KCND2: variants seen among roughly 807,000 people sequenced by gnomAD.
The protein encoded by KCND2 is A-type voltage-gated potassium channel KCND2.
Under a neutral mutation model 54.4 loss-of-function variants are expected in KCND2, and 16 were observed. That is an observed-to-expected ratio of 0.29 (90% confidence interval 0.20 to 0.45). The LOEUF (loss-of-function observed/expected upper bound fraction) is 0.45. KCND2 is among the 20% of genes least tolerant of loss of function. The probability of loss-of-function intolerance (pLI) is 1.00; values close to 1 mark genes in which losing one functional copy is unlikely to be tolerated. For synonymous variants in KCND2, 317 were observed against 310.7 expected, an observed-to-expected ratio of 1.02 and a Z score of -0.21; for missense variants, 486 against 824.2, an observed-to-expected ratio of 0.59 and a Z score of 5.02.
intron 1 of KCND2, among the ~76,000 whole-genome samples, chr7:120,301,070 C>T (rs1799579699): frequency 6.6e-6 from 1 of 151,998 alleles, no homozygotes; most frequent in Non-Finnish European, 1.5e-5. Context: ...AGAAATATCT[C>T]CATTTTTCTT....
intron 1 of KCND2, among the ~76,000 whole-genome samples, chr7:120,640,371 C>T (rs150890710): frequency 6.6e-6 from 1 of 152,138 alleles, no homozygotes; most frequent in East Asian, 1.9e-4. Context: ...CTTCTTGAAC[C>T]CTTTCATTAA....
chr7:120,595,781 T>A (rs60150466), intron 1 of KCND2, among the ~76,000 whole-genome samples: 12,886 of 151,768 alleles, frequency 0.085, 631 homozygotes, highest in South Asian at 0.091. Flanking sequence ...GAGTTTTTCT[T>A]TAAGCTACAC....
chr7:120,716,063 A>T (rs73425807), intron 1 of KCND2, among the ~76,000 whole-genome samples: 13,047 of 152,012 alleles, frequency 0.086, 727 homozygotes, highest in African/African-American at 0.13. Context: ...TCCACTTAAG[A>T]TTATCATATT....
intron 1 of KCND2, among the ~76,000 whole-genome samples, chr7:120,282,089 C>T (rs573011246): frequency 5.9e-5 from 9 of 152,154 alleles, no homozygotes; most frequent in African/African-American, 1.9e-4. Context: ...AGGTAAATTG[C>T]GGATGCCTTT....
chr7:120,372,945 T>G (rs1393392295), intron 1 of KCND2, among the ~76,000 whole-genome samples: 1 of 151,882 alleles, frequency 6.6e-6, no homozygotes, highest in Non-Finnish European at 1.5e-5. Context: ...TGAATTGAAT[T>G]TCCTTTATAA....
chr7:120,696,573 C>T (rs1464943504), intron 1 of KCND2, among the ~76,000 whole-genome samples: 2 of 152,184 alleles, frequency 1.3e-5, no homozygotes, highest in African/African-American at 4.8e-5. Context: ...TCCAATACAA[C>T]AGTGTTGGGA....
intron 1 of KCND2, among the ~76,000 whole-genome samples, chr7:120,496,918 A>G (rs1474082944): frequency 6.6e-6 from 1 of 152,194 alleles, no homozygotes; most frequent in Non-Finnish European, 1.5e-5. Context: ...TACCTACTAC[A>G]ATGGCCTGTT....
At chr7:120,553,506 C>A (rs2116399090) in intron 1 of KCND2, among the ~76,000 whole-genome samples, 1 of 152,246 alleles carries the variant, frequency 6.6e-6, no homozygotes, top group East Asian at 1.9e-4. Flanking sequence ...TTTGTTTTTA[C>A]AACTAACTTG....
chr7:120,473,540 A>AC (rs1019332818), intron 1 of KCND2, among the ~76,000 whole-genome samples: 1 of 151,676 alleles, frequency 6.6e-6, no homozygotes, highest in African/African-American at 2.4e-5. Flanking sequence ...CTCTTCCTCC[A>AC]CCCCCAGCTA....
At chr7:120,742,162 T>A (rs1485272801) in intron 3 of KCND2, among the ~76,000 whole-genome samples, 1 of 152,192 alleles carries the variant, frequency 6.6e-6, no homozygotes, top group African/African-American at 2.4e-5. Flanking sequence ...AGCTTTTATT[T>A]ACGTGCACAT....
At chr7:120,404,919 G>C (rs1334051964) in intron 1 of KCND2, among the ~76,000 whole-genome samples, 7 of 152,036 alleles carry the variant, frequency 4.6e-5, no homozygotes, top group African/African-American at 1.7e-4. Context: ...TATATGTAAA[G>C]ATAGATAATA....
At chr7:120,620,438 C>G (rs558942927) in intron 1 of KCND2, among the ~76,000 whole-genome samples, 24 of 151,988 alleles carry the variant, frequency 1.6e-4, no homozygotes, top group Non-Finnish European at 2.9e-4. Context: ...AAAACTAAAT[C>G]AAAAAAATAA....
chr7:120,390,768 T>C (rs2116051080), intron 1 of KCND2, among the ~76,000 whole-genome samples: 1 of 152,154 alleles, frequency 6.6e-6, no homozygotes, highest in South Asian at 2.1e-4. Flanking sequence ...TGTCATTCCC[T>C]GGTTAATTTA....
At chr7:120,425,587 C>T (rs918890368) in intron 1 of KCND2, among the ~76,000 whole-genome samples, 4 of 152,182 alleles carry the variant, frequency 2.6e-5, no homozygotes, top group African/African-American at 9.7e-5. Context: ...AGACATTTTC[C>T]AAGCTGAAGG....
intron 1 of KCND2, among the ~76,000 whole-genome samples, chr7:120,660,987 ATAG>A (rs1791858889): frequency 6.6e-6 from 1 of 152,148 alleles, no homozygotes; most frequent in African/African-American, 2.4e-5. Flanking sequence ...TAATTTTTAT[ATAG>A]TTAAGGGGAA....
intron 1 of KCND2, among the ~76,000 whole-genome samples, chr7:120,699,811 G>A (rs781513535): frequency 6.6e-6 from 1 of 152,134 alleles, no homozygotes; most frequent in Non-Finnish European, 1.5e-5. Context: ...TTGTTAATGA[G>A]TATAGAAATA....
chr7:120,699,339 G>C (rs750842322), intron 1 of KCND2, among the ~76,000 whole-genome samples: 3 of 151,864 alleles, frequency 2.0e-5, no homozygotes, highest in Non-Finnish European at 2.9e-5. Flanking sequence ...GGATCAATTT[G>C]CAAAGGTTAA....
At chr7:120,562,937 G>A (rs933121468) in intron 1 of KCND2, among the ~76,000 whole-genome samples, 7 of 152,058 alleles carry the variant, frequency 4.6e-5, no homozygotes, top group African/African-American at 1.7e-4. Context: ...ATAAGGTAAA[G>A]TATTTTTTGA....
chr7:120,491,085 G>A (rs1200149654), intron 1 of KCND2, among the ~76,000 whole-genome samples: 3 of 152,100 alleles, frequency 2.0e-5, no homozygotes, highest in Non-Finnish European at 4.4e-5. Flanking sequence ...TTCTCATATA[G>A]GAGCATTCAA....
Sources: allele counts gnomAD v4.1 joint callset (sites outside exome capture counted in the v4.1 genomes callset), GRCh38; gene constraint gnomAD v4.1.1; transcripts MANE v1.5; gene names NCBI Gene and HGNC (gene_info 2026-07-23, HGNC 2026-07-21).